MAF: variants seen among roughly 807,000 people sequenced by gnomAD.
MAF encodes transcription factor Maf.
MAF carries 10 observed loss-of-function variants against 22.0 expected under a neutral mutation model. The observed-to-expected ratio is 0.45, with a 90% CI of 0.28 to 0.77. The LOEUF (loss-of-function observed/expected upper bound fraction) is 0.77, where lower values mean the gene tolerates loss of function less well. Among genes scored for constraint, MAF ranks in the 30% least tolerant of loss-of-function variants. MAF has a pLI of 0.12. For missense variants in MAF, 544 were observed against 548.4 expected, an observed-to-expected ratio of 0.99 and a Z score of 0.08; for synonymous variants, 337 against 255.8, an observed-to-expected ratio of 1.32 and a Z score of -3.03.
the MAF span, among the ~76,000 whole-genome samples, chr16:79,390,327 G>A: frequency 6.6e-6 from 1 of 152,076 alleles, no homozygotes; most frequent in Non-Finnish European, 1.5e-5. Context: ...GGCATGGGCT[G>A]CAGGAGATAA....
At chr16:79,349,773 G>C in the MAF span, among the ~76,000 whole-genome samples, 1 of 152,124 alleles carries the variant, frequency 6.6e-6, no homozygotes, top group Non-Finnish European at 1.5e-5. Flanking sequence ...ATCCTCCTTG[G>C]GCTGCTAGCT....
chr16:79,259,176 G>A, the MAF span, among the ~76,000 whole-genome samples: 1 of 152,138 alleles, frequency 6.6e-6, no homozygotes, highest in Non-Finnish European at 1.5e-5. Flanking sequence ...CGGCTGGCTC[G>A]AATCCTCCGT....
the MAF span, among the ~76,000 whole-genome samples, chr16:79,354,354 G>C: frequency 6.6e-6 from 1 of 152,120 alleles, no homozygotes; most frequent in Admixed American, 6.5e-5. Flanking sequence ...ACACGAGATG[G>C]TGAGGAGCAA....
the MAF span, among the ~76,000 whole-genome samples, chr16:79,250,463 G>C: frequency 1.3e-5 from 2 of 152,224 alleles, no homozygotes; most frequent in Admixed American, 6.5e-5. Context: ...GCCAGAATGA[G>C]AGGATTTGAT....
At chr16:79,353,465 A>C in the MAF span, among the ~76,000 whole-genome samples, 1 of 152,214 alleles carries the variant, frequency 6.6e-6, no homozygotes, top group East Asian at 1.9e-4. Context: ...TTTTGAAGTT[A>C]TGAGGCTAAT....
the MAF span, among the ~76,000 whole-genome samples, chr16:79,268,347 C>G: frequency 6.6e-6 from 1 of 152,140 alleles, no homozygotes; most frequent in Non-Finnish European, 1.5e-5. Flanking sequence ...GTCTTTTGCT[C>G]CTGGCTGCAG....
the MAF span, among the ~76,000 whole-genome samples, chr16:79,339,622 AC>A: frequency 3.4e-4 from 52 of 152,344 alleles, no homozygotes; most frequent in African/African-American, 1.2e-3. Flanking sequence ...CTAATACAAT[AC>A]ATTAATATCA....
the MAF span, among the ~76,000 whole-genome samples, chr16:79,374,487 T>A: frequency 2.6e-5 from 4 of 152,224 alleles, no homozygotes; most frequent in Non-Finnish European, 5.9e-5. Context: ...CATTTCTTCA[T>A]CTTACTTACT....
At chr16:79,593,117 A>G (rs2143747352), downstream of MAF, among the ~76,000 whole-genome samples, 1 of 152,322 alleles carries the variant, frequency 6.6e-6, no homozygotes, top group African/African-American at 2.4e-5. Flanking sequence ...AAAGAGAGAG[A>G]GAGAGACTTA....
the MAF span, among the ~76,000 whole-genome samples, chr16:79,207,269 T>G: frequency 6.6e-6 from 1 of 152,250 alleles, no homozygotes; most frequent in Non-Finnish European, 1.5e-5. Flanking sequence ...GAGAAGTATT[T>G]GCTTTGTCCA....
the MAF span, among the ~76,000 whole-genome samples, chr16:79,242,412 G>T: frequency 6.6e-6 from 1 of 150,716 alleles, no homozygotes; most frequent in African/African-American, 2.4e-5. Flanking sequence ...CCTAGTCTCT[G>T]ATAAAAAAAG....
At chr16:79,533,338 C>G in the MAF span, among the ~76,000 whole-genome samples, 6 of 152,134 alleles carry the variant, frequency 3.9e-5, no homozygotes. Flanking sequence ...CCACCCACCC[C>G]ACTCCTTTTC....
At chr16:79,397,829 C>A in the MAF span, among the ~76,000 whole-genome samples, 1 of 152,228 alleles carries the variant, frequency 6.6e-6, no homozygotes, top group African/African-American at 2.4e-5. Flanking sequence ...GAACCTGAGG[C>A]ACCTCTGGCC....
chr16:79,520,539 G>A, the MAF span, among the ~76,000 whole-genome samples: 3 of 152,132 alleles, frequency 2.0e-5, no homozygotes, highest in Admixed American at 2.0e-4. Context: ...ATCTGGATAA[G>A]TAGTACATAA....
the MAF span, among the ~76,000 whole-genome samples, chr16:79,513,300 A>C: frequency 1.3e-5 from 2 of 152,342 alleles, no homozygotes; most frequent in East Asian, 3.9e-4. Flanking sequence ...TTTTAATTCT[A>C]GTTCTGCAAC....
At chr16:79,222,201 G>T in the MAF span, among the ~76,000 whole-genome samples, 2 of 152,272 alleles carry the variant, frequency 1.3e-5, no homozygotes, top group African/African-American at 2.4e-5. Context: ...TTAAAGAAAA[G>T]AATTTTCAAC....
chr16:79,235,957 T>A, the MAF span, among the ~76,000 whole-genome samples: 1 of 151,854 alleles, frequency 6.6e-6, no homozygotes, highest in African/African-American at 2.4e-5. Flanking sequence ...TTCCCATTTC[T>A]CTCCTAAAAT....
the MAF span, among the ~76,000 whole-genome samples, chr16:79,297,861 G>A: frequency 6.6e-6 from 1 of 152,168 alleles, no homozygotes; most frequent in African/African-American, 2.4e-5. Flanking sequence ...GTAGAGCAGG[G>A]CGCCCACACC....
chr16:79,593,159 G>A (rs947901055), downstream of MAF, among the ~76,000 whole-genome samples: 2 of 152,170 alleles, frequency 1.3e-5, no homozygotes, highest in African/African-American at 4.8e-5. Flanking sequence ...TATATTGATT[G>A]GCCTAGTAGA....
Sources: gnomAD v4.1 joint callset for allele counts (sites outside exome capture counted in the v4.1 genomes callset) on GRCh38, gnomAD v4.1.1 for gene constraint, MANE v1.5 for transcripts, NCBI Gene and HGNC (gene_info 2026-07-23, HGNC 2026-07-21) for gene names.